The following LOC400499 variants were observed in gnomAD, a reference collection of about 807,000 sequenced individuals.
chr16:11,381,554 C>G, the LOC400499 span, among the ~76,000 whole-genome samples: 1 of 152,172 alleles, frequency 6.6e-6, no homozygotes, highest in Non-Finnish European at 1.5e-5. Flanking sequence ...AATAAGATCT[C>G]TCTTGCAAAT....
chr16:11,460,935 G>A, the LOC400499 span: 12 of 1,504,164 alleles, frequency 8.0e-6, no homozygotes, highest in Admixed American at 2.1e-5. Context: ...ACCTCCACCT[G>A]CCCCGCAACC....
At chr16:11,398,424 A>C in the LOC400499 span, 1 of 1,232,126 alleles carries the variant, frequency 8.1e-7, no homozygotes, top group African/African-American at 1.6e-5. Context: ...TTCTCCCCAG[A>C]AGCTCTGACG....
At chr16:11,380,152 T>C in the LOC400499 span, among the ~76,000 whole-genome samples, 1 of 152,158 alleles carries the variant, frequency 6.6e-6, no homozygotes, top group East Asian at 1.9e-4. Flanking sequence ...TGTATAGTTA[T>C]ACATCTTTTA....
chr16:11,382,379 T>C, the LOC400499 span, among the ~76,000 whole-genome samples: 1 of 151,848 alleles, frequency 6.6e-6, no homozygotes, highest in African/African-American at 2.4e-5. Flanking sequence ...CTTGGAAGCC[T>C]ACTCCTGTTG....
the LOC400499 span, among the ~76,000 whole-genome samples, chr16:11,481,269 C>T: frequency 5.9e-5 from 9 of 152,152 alleles, no homozygotes; most frequent in South Asian, 1.0e-3. Flanking sequence ...TGTTCTGGAA[C>T]GAGACAGAAG....
the LOC400499 span, chr16:11,423,288 C>T: frequency 2.5e-6 from 1 of 399,162 alleles, no homozygotes; most frequent in Non-Finnish European, 4.4e-6. Flanking sequence ...AAGGGGCTGG[C>T]TTCTTCCCTG....
At chr16:11,425,430 G>T in the LOC400499 span, 33 of 399,108 alleles carry the variant, frequency 8.3e-5, no homozygotes, top group African/African-American at 5.8e-4. Context: ...GACACTGAGG[G>T]TGCCTGCAGA....
At chr16:11,438,765 G>A in the LOC400499 span, among the ~76,000 whole-genome samples, 1 of 151,990 alleles carries the variant, frequency 6.6e-6, no homozygotes, top group Non-Finnish European at 1.5e-5. Context: ...CTTCAGCCCA[G>A]CTAACAGAGT....
chr16:11,379,110 C>G, the LOC400499 span, among the ~76,000 whole-genome samples: 1 of 152,134 alleles, frequency 6.6e-6, no homozygotes, highest in Admixed American at 6.5e-5. Context: ...CTGAAAATAG[C>G]TGGTCGTGGT....
At chr16:11,435,455 A>G in the LOC400499 span, among the ~76,000 whole-genome samples, 2 of 152,082 alleles carry the variant, frequency 1.3e-5, no homozygotes, top group Admixed American at 1.3e-4. Flanking sequence ...TCTCATAACA[A>G]CGCAAAAAAG....
At chr16:11,385,018 G>A in the LOC400499 span, 1 of 1,232,274 alleles carries the variant, frequency 8.1e-7, no homozygotes, top group Non-Finnish European at 1.0e-6. Context: ...GCAGCTTGAG[G>A]TCCGGACAAC....
chr16:11,504,226 C>T, the LOC400499 span, among the ~76,000 whole-genome samples: 1 of 152,284 alleles, frequency 6.6e-6, no homozygotes, highest in African/African-American at 2.4e-5. Context: ...AGGCAGGCTA[C>T]GGATGGAGGC....
chr16:11,392,910 G>C, the LOC400499 span: 4 of 570,402 alleles, frequency 7.0e-6, no homozygotes, highest in African/African-American at 2.0e-5. Flanking sequence ...CTGGTGTGTG[G>C]TGACACGATC....
chr16:11,386,636 A>C, the LOC400499 span, among the ~76,000 whole-genome samples: 1 of 152,156 alleles, frequency 6.6e-6, no homozygotes, highest in Admixed American at 6.5e-5. Flanking sequence ...CCTACATTTC[A>C]CGGTGGAGCA....
the LOC400499 span, among the ~76,000 whole-genome samples, chr16:11,522,709 C>T: frequency 5.3e-5 from 8 of 152,202 alleles, no homozygotes. Context: ...GCTGGGATTC[C>T]ACCCTTGGGA....
chr16:11,432,550 A>C, the LOC400499 span, among the ~76,000 whole-genome samples: 1 of 152,330 alleles, frequency 6.6e-6, no homozygotes, highest in African/African-American at 2.4e-5. Flanking sequence ...CGAACTTTGG[A>C]ATATAAGGTT....
the LOC400499 span, among the ~76,000 whole-genome samples, chr16:11,404,212 G>C: frequency 2.0e-5 from 3 of 152,150 alleles, 1 homozygote; most frequent in East Asian, 5.8e-4. Flanking sequence ...CCCACTCGTG[G>C]AAATGGTCAT....
At chr16:11,519,964 A>G in the LOC400499 span, among the ~76,000 whole-genome samples, 34 of 152,212 alleles carry the variant, frequency 2.2e-4, no homozygotes, top group Non-Finnish European at 2.2e-4. Context: ...CGGCCTCCCA[A>G]TGAGCTGGGA....
chr16:11,428,035 G>T, the LOC400499 span, among the ~76,000 whole-genome samples: 1 of 152,144 alleles, frequency 6.6e-6, no homozygotes, highest in East Asian at 1.9e-4. Flanking sequence ...CAAAGCAAAA[G>T]CAAGTTTATT....
Sources: gnomAD v4.1 joint callset for allele counts (sites outside exome capture counted in the v4.1 genomes callset) on GRCh38, gnomAD v4.1.1 for gene constraint, MANE v1.5 for transcripts.